The following CPT1A variants were observed in gnomAD, a reference collection of about 807,000 sequenced individuals.
CPT1A encodes the protein carnitine O-palmitoyltransferase 1, liver isoform.
CPT1A carries 64 observed loss-of-function variants against 100.8 expected under a neutral mutation model. The observed-to-expected ratio is 0.63, with a 90% confidence interval of 0.52 to 0.78. CPT1A has a LOEUF of 0.78. Ranked by LOEUF, CPT1A falls within the 30% of genes least tolerant of loss-of-function variation. The pLI is 0.00. For missense variants in CPT1A, 802 were observed against 1,034.1 expected, an observed-to-expected ratio of 0.78 and a Z score of 3.08; for synonymous variants, 363 against 396.0, an observed-to-expected ratio of 0.92 and a Z score of 0.99.
rs115513189 is a variant in CPT1A at position 68,837,699 on chromosome 11, C to T, written c.-14+4076G>A. On this transcript the variant is annotated intron_variant, in intron 1 of 18. Transcript: ENST00000265641. ...TGGAAAAAGGGTGCTTCGGGCAGGGCGAGGGGGCTTATGCCTGTAATCCCA... is the reference window on the plus strand; with the variant it reads ...TGGAAAAAGGGTGCTTCGGGCAGGGTGAGGGGGCTTATGCCTGTAATCCCA... Among the ~76,000 whole-genome samples, 833 of 152,114 alleles carry T rather than the reference C, an allele frequency of 5.5e-3. 6 individuals carry two copies. Among genetic ancestry groups the T allele is most frequent in the African/African-American group, 0.019 (787 of 41,498 alleles).
rs117607023 is a variant in CPT1A at position 68,773,314 on chromosome 11, G to A, written c.1691C>T (p.Thr564Met). 1.2e-6 allele frequency: 2 copies of A among 1,614,202 alleles called. No individual in the cohort carries two copies. The highest frequency in any genetic ancestry group is 2.2e-5 in the East Asian group (1 of 44,882). Residue 564 changes from threonine to methionine, a missense_variant, in exon 14 of 19, where the codon ACG becomes ATG. Around this residue, in one of 4 missense-constraint regions of CPT1A, gnomAD observed 627 missense variants for 799.3 expected, o/e 0.78. Transcript: ENST00000265641. ...CAGCTGCACAAAGGCGTCTGGGCTC[G>A]TGCGACATTTCTTGATGATTCCTTT... Reference protein sequence around the residue: ...FGKGIIKKCRTSPDAFVQLAL... With the variant: ...FGKGIIKKCRMSPDAFVQLAL...
Position 68,757,315 on chromosome 11 carries a change from T to C in CPT1A, c.*329A>G. The C allele has an allele frequency of 1.7e-6, 2 of 1,206,674 alleles. No individual in the cohort carries two copies. Among genetic ancestry groups the C allele is most frequent in the Non-Finnish European group, 2.1e-6 (2 of 961,208 alleles). 74.7% of individuals were successfully genotyped at this position (1,206,674 alleles called of 1,614,324 possible). A position where few individuals can be genotyped will look rare whatever the true frequency, so the allele number is the denominator to read the frequency against. The stretch of plus-strand genomic sequence containing the variant: ...CCACTGAGAAAGCACACCATTTCCA[T>C]TCCACTGTGTGTGAAGCCACAACCC... On this transcript the variant is annotated 3_prime_UTR_variant, in exon 19 of 19. Transcript: ENST00000265641.
chr11:68,773,694 A>G, intron 13 of CPT1A: 1 of 451,682 alleles, frequency 2.2e-6, no homozygotes, highest in East Asian at 4.7e-5. Context: ...TGGGAATATC[A>G]CGCGACCATC....
At chr11:68,804,356 G>C (rs956843722) in intron 4 of CPT1A, among the ~76,000 whole-genome samples, 26 of 152,114 alleles carry the variant, frequency 1.7e-4, no homozygotes, top group African/African-American at 6.3e-4. Context: ...ATACTTACAG[G>C]TTCTAGCAAA....
intron 1 of CPT1A, among the ~76,000 whole-genome samples, chr11:68,820,231 C>T (rs1419074762): frequency 1.3e-5 from 2 of 152,010 alleles, no homozygotes; most frequent in Non-Finnish European, 2.9e-5. Context: ...AGCGTTTCAC[C>T]ACCTTGCCCA....
At chr11:68,796,108 G>A (rs181860819) in intron 7 of CPT1A, among the ~76,000 whole-genome samples, 9 of 152,168 alleles carry the variant, frequency 5.9e-5, no homozygotes, top group Admixed American at 2.0e-4. Flanking sequence ...AGAAACTACC[G>A]TCGATGCACA....
intron 1 of CPT1A, among the ~76,000 whole-genome samples, chr11:68,816,411 C>G (rs1856389003): frequency 6.6e-6 from 1 of 152,230 alleles, no homozygotes; most frequent in South Asian, 2.1e-4. Flanking sequence ...CTTGGCGGCC[C>G]CACGGGCTAA....
chr11:68,796,522 C>T (rs886710206), intron 7 of CPT1A, among the ~76,000 whole-genome samples: 11 of 152,082 alleles, frequency 7.2e-5, no homozygotes, highest in African/African-American at 2.7e-4. Flanking sequence ...TGCCATTGCA[C>T]TCCAGCCTGG....
At chr11:68,814,878 G>A (rs11228362) in intron 2 of CPT1A, among the ~76,000 whole-genome samples, 15,117 of 151,452 alleles carry the variant, frequency 0.1, 765 homozygotes, top group Non-Finnish European at 0.11. Flanking sequence ...GTAGAGATGG[G>A]GTTTTGTCGT....
At chr11:68,774,451 T>TC (rs1256034016) in intron 13 of CPT1A, among the ~76,000 whole-genome samples, 5 of 151,758 alleles carry the variant, frequency 3.3e-5, no homozygotes, top group African/African-American at 4.8e-5. Context: ...TTATTAATTT[T>TC]TATTTATTTG....
At chr11:68,775,201 G>A in intron 13 of CPT1A, 115 bp downstream of exon 13, 2 of 855,208 alleles carry the variant, frequency 2.3e-6, no homozygotes, top group Non-Finnish European at 3.9e-6. Context: ...AGCCTCAGTG[G>A]TCTTCAACTG....
chr11:68,780,092 CTT>C (rs746178070), intron 12 of CPT1A, among the ~76,000 whole-genome samples: 18 of 152,270 alleles, frequency 1.2e-4, no homozygotes, highest in South Asian at 2.1e-4. Context: ...CCATTTCACT[CTT>C]TTGTTCCCTA....
intron 1 of CPT1A, among the ~76,000 whole-genome samples, chr11:68,815,753 C>T (rs909750312): frequency 3.3e-5 from 5 of 152,000 alleles, no homozygotes; most frequent in African/African-American, 1.2e-4. Context: ...TGGCCCTGGA[C>T]ATTCCCTGGA....
At chr11:68,801,591 C>T (rs1414895449) in intron 5 of CPT1A, among the ~76,000 whole-genome samples, 1 of 149,798 alleles carries the variant, frequency 6.7e-6, no homozygotes, top group Non-Finnish European at 1.5e-5. Flanking sequence ...GATCATGCCA[C>T]TGCACCCTAG....
intron 9 of CPT1A, among the ~76,000 whole-genome samples, chr11:68,790,611 G>T (rs1855587822): frequency 6.6e-6 from 1 of 152,066 alleles, no homozygotes; most frequent in African/African-American, 2.4e-5. Context: ...AAAAGAGCAC[G>T]GCCCTGCTGA....
At chr11:68,840,461 T>C (rs1247151982) in intron 1 of CPT1A, among the ~76,000 whole-genome samples, 1 of 152,172 alleles carries the variant, frequency 6.6e-6, no homozygotes, top group Non-Finnish European at 1.5e-5. Context: ...TTGCAAAAGG[T>C]AAAACCGATT....
intron 5 of CPT1A, among the ~76,000 whole-genome samples, chr11:68,802,896 C>CAAAAAAAA (rs901808584): frequency 1.1e-4 from 5 of 44,932 alleles, no homozygotes; most frequent in South Asian, 2.2e-3. Context: ...GACCCTGTCT[C>CAAAAAAAA]AAAAAAAAAA....
chr11:68,788,630 T>TAAAAAAAAAAAAAAAAAAAAAAAAGAAA (rs1855534592), intron 9 of CPT1A, among the ~76,000 whole-genome samples: 1 of 27,546 alleles, frequency 3.6e-5, no homozygotes, highest in Non-Finnish European at 6.2e-5. Context: ...CAAACAAAAG[T>TAAAAAAAAAAAAAAAAAAAAAAAAGAAA]AAAAAAAAAA....
At chr11:68,784,521 G>A (rs1260186651) in intron 10 of CPT1A, among the ~76,000 whole-genome samples, 1 of 151,976 alleles carries the variant, frequency 6.6e-6, no homozygotes, top group Non-Finnish European at 1.5e-5. Flanking sequence ...GTGACAGAGC[G>A]AGACTTCGTC....
Sources: gnomAD v4.1 joint callset for allele counts (sites outside exome capture counted in the v4.1 genomes callset) on GRCh38, gnomAD v4.1.1 for gene constraint, gnomAD v4.1.1 regional missense constraint, MANE v1.5 for transcripts, NCBI Gene and HGNC (gene_info 2026-07-23, HGNC 2026-07-21) for gene names.